SDCCAG8: variants seen among roughly 807,000 people sequenced by gnomAD.
The protein encoded by SDCCAG8 is serologically defined colon cancer antigen 8.
A neutral mutation model predicts 101.8 loss-of-function variants in SDCCAG8; 74 were observed. The ratio of observed to expected loss-of-function variants is 0.73; its 90% CI spans 0.60 to 0.88. The LOEUF is 0.88. Among genes scored for constraint, SDCCAG8 ranks in the 40% least tolerant of loss-of-function variants. SDCCAG8 has a pLI of 0.00. For missense variants in SDCCAG8, 787 were observed against 822.6 expected (o/e 0.96, Z 0.53); for synonymous variants, 281 against 292.9 (o/e 0.96, Z 0.41).
intron 6 of SDCCAG8, 67 bp from the exon 7 acceptor site, chr1:243,304,646 A>G (rs1055052228): frequency 2.4e-6 from 2 of 845,950 alleles, no homozygotes; most frequent in African/African-American, 3.5e-5. Context: ...TTAATATTAA[A>G]AATTAAAGTT....
intron 10 of SDCCAG8, among the ~76,000 whole-genome samples, chr1:243,336,809 G>A (rs922524821): frequency 6.6e-6 from 1 of 152,180 alleles, no homozygotes; most frequent in African/African-American, 2.4e-5. Context: ...CTTTTGAGAA[G>A]TGTCTGTTCA....
chr1:243,303,991 T>A (rs2071821581), intron 6 of SDCCAG8, among the ~76,000 whole-genome samples: 1 of 152,086 alleles, frequency 6.6e-6, no homozygotes. Context: ...AAGAATAGCT[T>A]GAATCCAGCA....
intron 13 of SDCCAG8, among the ~76,000 whole-genome samples, chr1:243,408,986 G>A (rs994033238): frequency 9.2e-5 from 14 of 152,170 alleles, no homozygotes; most frequent in African/African-American, 3.4e-4. Flanking sequence ...CAGGTGATAA[G>A]GTGGTAGATG....
At chr1:243,386,371 G>A (rs1320647540) in intron 13 of SDCCAG8, among the ~76,000 whole-genome samples, 1 of 152,184 alleles carries the variant, frequency 6.6e-6, no homozygotes, top group African/African-American at 2.4e-5. Flanking sequence ...AGACAACTTA[G>A]AAAATCAGTA....
At chr1:243,309,192 C>T (rs2072468700) in intron 8 of SDCCAG8, among the ~76,000 whole-genome samples, 1 of 152,154 alleles carries the variant, frequency 6.6e-6, no homozygotes, top group Admixed American at 6.5e-5. Flanking sequence ...ACCAGAAGTA[C>T]TGCTTTTGAA....
rs373020926 is a variant in SDCCAG8 at position 243,270,087 on chromosome 1, G to A, written c.68-18G>A. The A allele has an allele frequency of 9.3e-6, 15 of 1,614,000 alleles. No homozygotes were observed. The highest frequency in any genetic ancestry group is 5.0e-5 in the Admixed American group (3 of 59,996). ...CCAGACTCCATGGGTCCTAACTTTC[G>A]TCAGGTTGTTCTTGCAGAACATGCC... On this transcript the variant is annotated intron_variant, in intron 1 of 17. Transcript: ENST00000366541.
chr1:243,422,580 T>A (rs1316426266), intron 15 of SDCCAG8, among the ~76,000 whole-genome samples: 1 of 152,120 alleles, frequency 6.6e-6, no homozygotes, highest in African/African-American at 2.4e-5. Flanking sequence ...ACTGTGTGAG[T>A]TTAATTGAGG....
chr1:243,415,876 A>T, intron 14 of SDCCAG8, 47 bp downstream of exon 14: 2 of 1,606,034 alleles, frequency 1.2e-6, no homozygotes, highest in Non-Finnish European at 1.7e-6. Flanking sequence ...CTCACAAGTC[A>T]GGCCCACGCC....
At chr1:243,485,054 A>AAAAAAAG (rs112460513) in intron 16 of SDCCAG8, among the ~76,000 whole-genome samples, 1 of 149,482 alleles carries the variant, frequency 6.7e-6, no homozygotes, top group Admixed American at 6.6e-5. Context: ...AAAAAAAAAA[A>AAAAAAAG]AAGAAGAAGA....
At chr1:243,477,860 A>G (rs1253127159) in intron 16 of SDCCAG8, among the ~76,000 whole-genome samples, 1 of 152,232 alleles carries the variant, frequency 6.6e-6, no homozygotes, top group Admixed American at 6.5e-5. Context: ...AATGTGGCTC[A>G]GAGTGTGGTT....
At chr1:243,320,504 C>A (rs1017869284) in intron 9 of SDCCAG8, among the ~76,000 whole-genome samples, 1 of 152,152 alleles carries the variant, frequency 6.6e-6, no homozygotes, top group African/African-American at 2.4e-5. Context: ...CTCTCGCGCC[C>A]TGTCTCCCAG....
At chr1:243,357,940 A>G (rs2076482505) in intron 12 of SDCCAG8, among the ~76,000 whole-genome samples, 1 of 152,196 alleles carries the variant, frequency 6.6e-6, no homozygotes, top group African/African-American at 2.4e-5. Flanking sequence ...ACAAAAATTA[A>G]CTCAAAATGG....
intron 16 of SDCCAG8, among the ~76,000 whole-genome samples, chr1:243,480,393 TAGGTG>T (rs1663285451): frequency 6.3e-5 from 1 of 15,946 alleles, no homozygotes; most frequent in African/African-American, 2.9e-4. Flanking sequence ...GATGGATGGA[TAGGTG>T]GGATGGATGG....
chr1:243,270,812 G>T (rs973814014), intron 2 of SDCCAG8, among the ~76,000 whole-genome samples, 166 bp from the exon 3 acceptor site: 1 of 151,528 alleles, frequency 6.6e-6, no homozygotes, highest in Non-Finnish European at 1.5e-5. Flanking sequence ...CTCTTAAGGG[G>T]TAGAAATTCT....
intron 9 of SDCCAG8, among the ~76,000 whole-genome samples, chr1:243,325,133 CATT>C: frequency 6.6e-6 from 1 of 152,282 alleles, no homozygotes; most frequent in East Asian, 1.9e-4. Context: ...TGACATCTAT[CATT>C]GTATTTCACA....
At chr1:243,299,821 C>T (rs778526313) in intron 6 of SDCCAG8, among the ~76,000 whole-genome samples, 18 of 151,834 alleles carry the variant, frequency 1.2e-4, no homozygotes, top group Non-Finnish European at 2.5e-4. Context: ...CTTTACCTAT[C>T]TCTTATTTGT....
In SDCCAG8 at chr1:243,416,340, C is replaced by T. The variant is rs1453613916; in HGVS notation, c.1744+511C>T. Among the ~76,000 whole-genome samples the T allele has an allele frequency of 1.3e-5, 2 of 152,188 alleles. No homozygotes were observed. Among genetic ancestry groups the T allele is most frequent in the African/African-American group, 4.8e-5 (2 of 41,454 alleles). ...CTGGAGAAAAGCTTTAGCCATTAATCGGTTCTTAATTCACTGTCGCAGCTG... is the reference window on the plus strand; with the variant it reads ...CTGGAGAAAAGCTTTAGCCATTAATTGGTTCTTAATTCACTGTCGCAGCTG... On this transcript the variant is annotated intron_variant, in intron 14 of 17. Coordinates refer to ENST00000366541, the MANE Select transcript of SDCCAG8 (RefSeq NM_006642.5). This position sits in a 1 kb window ranked among gnomAD's most constrained non-coding sequence, Gnocchi z 4.3.
In SDCCAG8 at chr1:243,304,769, GT is replaced by G; in HGVS notation, c.737del (p.Leu246Ter). 2.5e-6 allele frequency: 4 copies of G among 1,579,466 alleles called. No individual in the cohort carries two copies. Among genetic ancestry groups the G allele is most frequent in the South Asian group, 1.1e-5 (1 of 90,368 alleles). ...GTGAAATTGAGGAATCCCAATTGAA[GT>G]TTTTGAGGTAAAGTGAAATCGTCCA... ...KCEIEESQLK[F>X]LRNDLAEYQR... On this transcript the variant is annotated frameshift_variant, in exon 7 of 18. Coordinates refer to ENST00000366541, the MANE Select transcript of SDCCAG8 (RefSeq NM_006642.5). LOFTEE classifies it high-confidence loss of function.
intron 12 of SDCCAG8, among the ~76,000 whole-genome samples, chr1:243,377,969 TATAAG>T (rs1240007455): frequency 1.3e-5 from 2 of 151,502 alleles, no homozygotes; most frequent in African/African-American, 2.4e-5. Flanking sequence ...TTATGGCCTA[TATAAG>T]ATATTTTTGC....
Sources: allele counts gnomAD v4.1 joint callset (sites outside exome capture counted in the v4.1 genomes callset), GRCh38; gene constraint gnomAD v4.1.1; non-coding constraint Gnocchi (gnomAD v3.1); transcripts MANE v1.5; gene names NCBI Gene and HGNC (gene_info 2026-07-23, HGNC 2026-07-21).